Variants in IQCM observed in about 807,000 individuals in gnomAD.
IQCM encodes IQ domain-containing protein M.
Under a neutral mutation model 57.6 loss-of-function variants are expected in IQCM, and 45 were observed. The ratio of observed to expected loss-of-function variants is 0.78; its 90% CI spans 0.62 to 1.00. The LOEUF (loss-of-function observed/expected upper bound fraction) is 1.00, where lower values mean the gene tolerates loss of function less well. Ranked by LOEUF, IQCM falls within the 50% of genes least tolerant of loss-of-function variation. The pLI, the probability that IQCM is intolerant of heterozygous loss-of-function variation, is 0.00. For synonymous variants in IQCM, 148 were observed against 158.9 expected, an observed-to-expected ratio of 0.93 and a Z score of 0.51; for missense variants, 468 against 511.6, an observed-to-expected ratio of 0.91 and a Z score of 0.82.
chr4:149,468,269 G>A (rs114430668), intron 12 of IQCM, among the ~76,000 whole-genome samples: 406 of 152,190 alleles, frequency 2.7e-3, no homozygotes, highest in African/African-American at 9.4e-3. Context: ...ATCAGGACAC[G>A]CCCACCCTAA....
chr4:149,793,456 C>T (rs1772826342), intron 2 of IQCM, among the ~76,000 whole-genome samples: 1 of 152,146 alleles, frequency 6.6e-6, no homozygotes, highest in Non-Finnish European at 1.5e-5. Context: ...TTTATCCTTT[C>T]CTGCTTCCTA....
At chr4:149,640,552 T>C (rs1408563511) in intron 7 of IQCM, among the ~76,000 whole-genome samples, 1 of 152,190 alleles carries the variant, frequency 6.6e-6, no homozygotes, top group African/African-American at 2.4e-5. Context: ...TTCTTCCTTA[T>C]CTTGCTTGAA....
chr4:149,637,136 C>T (rs1468605494), intron 7 of IQCM, among the ~76,000 whole-genome samples: 9 of 121,606 alleles, frequency 7.4e-5, no homozygotes, highest in African/African-American at 2.6e-4. Flanking sequence ...GGCGACAGAG[C>T]GAGACTCCGT....
chr4:149,743,376 T>C (rs1767637861), intron 2 of IQCM, among the ~76,000 whole-genome samples: 2 of 152,136 alleles, frequency 1.3e-5, no homozygotes, highest in Admixed American at 6.6e-5. Context: ...ACAGTAGTTA[T>C]GTTGTCCATG....
intron 12 of IQCM, among the ~76,000 whole-genome samples, chr4:149,514,277 G>T (rs1275551011): frequency 6.6e-6 from 1 of 152,154 alleles, no homozygotes; most frequent in East Asian, 1.9e-4. Context: ...TTTGAGATCT[G>T]CTGAATTAGA....
intron 7 of IQCM, among the ~76,000 whole-genome samples, chr4:149,670,693 T>C (rs546062831): frequency 3.3e-5 from 5 of 152,170 alleles, no homozygotes; most frequent in Non-Finnish European, 7.4e-5. Flanking sequence ...TGAAGTGCTG[T>C]TGAATTTTGT....
chr4:149,592,639 G>C (rs1371245472), intron 8 of IQCM, among the ~76,000 whole-genome samples: 1 of 149,448 alleles, frequency 6.7e-6, no homozygotes, highest in Non-Finnish European at 1.5e-5. Flanking sequence ...TTTGTATAAG[G>C]TGTAAGGAAG....
chr4:149,791,773 C>T (rs1772641804), intron 2 of IQCM, among the ~76,000 whole-genome samples: 1 of 152,072 alleles, frequency 6.6e-6, no homozygotes, highest in Admixed American at 6.6e-5. Flanking sequence ...TGAAGAGCGT[C>T]TAATAGGATA....
chr4:149,772,914 A>AT (rs990884181), intron 2 of IQCM, among the ~76,000 whole-genome samples: 5 of 152,178 alleles, frequency 3.3e-5, no homozygotes, highest in Admixed American at 1.3e-4. Flanking sequence ...AGCAGCTAAG[A>AT]TTTTTTAAAA....
chr4:149,547,170 A>G (rs1037544959), intron 12 of IQCM, among the ~76,000 whole-genome samples: 1 of 152,036 alleles, frequency 6.6e-6, no homozygotes, highest in Admixed American at 6.6e-5. Context: ...GTTCTGTTCC[A>G]TTGGTCTATA....
chr4:149,699,407 G>A (rs1763589428), intron 5 of IQCM, among the ~76,000 whole-genome samples: 1 of 151,968 alleles, frequency 6.6e-6, no homozygotes, highest in African/African-American at 2.4e-5. Flanking sequence ...CAGAAGAAAT[G>A]TGTTTAGATT....
At chr4:149,526,076 A>T (rs2149840060) in intron 12 of IQCM, among the ~76,000 whole-genome samples, 1 of 152,054 alleles carries the variant, frequency 6.6e-6, no homozygotes, top group African/African-American at 2.4e-5. Context: ...AAATAAAAAG[A>T]TGTGCTCAAT....
At chr4:149,415,950 T>C (rs1427559780) in intron 13 of IQCM, among the ~76,000 whole-genome samples, 1 of 152,068 alleles carries the variant, frequency 6.6e-6, no homozygotes, top group East Asian at 1.9e-4. Flanking sequence ...ATACCTAATG[T>C]AAATGATGAG....
At chr4:149,600,607 C>G (rs976342753) in intron 8 of IQCM, among the ~76,000 whole-genome samples, 1 of 152,146 alleles carries the variant, frequency 6.6e-6, no homozygotes, top group Non-Finnish European at 1.5e-5. Context: ...GGGAATTAAT[C>G]TTAATGGGAT....
chr4:149,701,326 T>C (rs1009922967), intron 5 of IQCM, among the ~76,000 whole-genome samples: 8 of 151,948 alleles, frequency 5.3e-5, no homozygotes, highest in African/African-American at 1.9e-4. Context: ...AACACCACAG[T>C]CCTTGCTTAT....
chr4:149,357,056 T>G (rs1239856279), intron 13 of IQCM, among the ~76,000 whole-genome samples: 1 of 152,208 alleles, frequency 6.6e-6, no homozygotes, highest in African/African-American at 2.4e-5. Flanking sequence ...TGTCTGTTAT[T>G]GGTGTAAAAG....
At chr4:149,608,802 A>G (rs1480646266) in intron 8 of IQCM, among the ~76,000 whole-genome samples, 2 of 151,870 alleles carry the variant, frequency 1.3e-5, no homozygotes, top group Admixed American at 1.3e-4. Flanking sequence ...CTATATCAAA[A>G]AAGCAGAAAA....
At chr4:149,412,066 TTGTGTGTGTG>T (rs35663253) in intron 13 of IQCM, among the ~76,000 whole-genome samples, 12 of 148,730 alleles carry the variant, frequency 8.1e-5, no homozygotes, top group African/African-American at 2.7e-4. Context: ...GTGTGTGTGT[TTGTGTGTGTG>T]TGTGTGTGTG....
At chr4:149,354,541 T>C (rs1337337705) in intron 13 of IQCM, among the ~76,000 whole-genome samples, 1 of 151,944 alleles carries the variant, frequency 6.6e-6, no homozygotes, top group Non-Finnish European at 1.5e-5. Flanking sequence ...GTTCTTGAAA[T>C]GAGATCTCAG....
Sources: allele counts gnomAD v4.1 joint callset (sites outside exome capture counted in the v4.1 genomes callset), GRCh38; gene constraint gnomAD v4.1.1; transcripts MANE v1.5; gene names NCBI Gene and HGNC (gene_info 2026-07-23, HGNC 2026-07-21).